Variants in KSR2 observed in about 807,000 individuals in gnomAD.
The protein encoded by KSR2 is kinase suppressor of ras 2.
In KSR2, 25 loss-of-function variants were observed where a neutral mutation model predicts 107.8. The observed-to-expected ratio is 0.23, with a 90% CI of 0.17 to 0.32. The LOEUF (loss-of-function observed/expected upper bound fraction) is 0.32, where lower values mean the gene tolerates loss of function less well. KSR2 is among the 10% of genes least tolerant of loss of function. KSR2 has a pLI of 1.00. For synonymous variants in KSR2, 480 were observed against 507.0 expected, an observed-to-expected ratio of 0.95 and a Z score of 0.71; for missense variants, 887 against 1,268.9, an observed-to-expected ratio of 0.70 and a Z score of 4.57.
chr12:117,645,850 A>C lies in KSR2; in HGVS notation c.1171+21624T>G, dbSNP rs538087977. Among the ~76,000 whole-genome samples, 3 of 145,516 alleles carry C rather than the reference A, an allele frequency of 2.1e-5. No homozygotes were observed. The East Asian group carries it at 6.2e-4, about 30-fold the overall frequency. On this transcript the variant is annotated intron_variant, in intron 5 of 19. Coordinates refer to ENST00000339824, the MANE Select transcript of KSR2 (RefSeq NM_173598.6). ...ACTGAAAAACAATTATGTCTTCTGGAATGTGCATGTGTATGTGCGTGTGTG... is the reference window on the plus strand; with the variant it reads ...ACTGAAAAACAATTATGTCTTCTGGCATGTGCATGTGTATGTGCGTGTGTG...
At position 117,538,962 on chromosome 12, in the gene KSR2, G is replaced by T. The variant is rs548130363; in HGVS notation, c.1687+757C>A. ...CTGGAAGAGATGGGGAGATTCTTAG[G>T]TCTCGTCTACCTGAAGGAAAAAAAA... On this transcript the variant is annotated intron_variant, in intron 10 of 19. Transcript: ENST00000339824. Among the ~76,000 whole-genome samples the T allele has an allele frequency of 8.0e-4, 122 of 152,142 alleles. 1 individual carries two copies. Among genetic ancestry groups the T allele is most frequent in the Admixed American group, 1.5e-3 (23 of 15,274 alleles).
intron 1 of KSR2, among the ~76,000 whole-genome samples, chr12:117,962,419 G>A (rs1038848769): frequency 8.7e-5 from 13 of 149,472 alleles, no homozygotes; most frequent in African/African-American, 2.4e-4. Flanking sequence ...ATGACCCATC[G>A]CCTGGGTTTT....
At chr12:117,494,504 T>C (rs1315320569) in intron 14 of KSR2, among the ~76,000 whole-genome samples, 1 of 152,170 alleles carries the variant, frequency 6.6e-6, no homozygotes, top group Non-Finnish European at 1.5e-5. Context: ...AACCCCACTT[T>C]GAGAACCACC....
At chr12:117,750,267 AAAG>A (rs1389009584) in intron 4 of KSR2, among the ~76,000 whole-genome samples, 3 of 150,442 alleles carry the variant, frequency 2.0e-5, no homozygotes, top group African/African-American at 4.9e-5. Context: ...AAAAAAAAAA[AAAG>A]AAGAACTTTC....
At position 117,596,650 on chromosome 12, in the gene KSR2, G is replaced by A. The variant is rs139907576; in HGVS notation, c.1172-14291C>T. Among the ~76,000 whole-genome samples the A allele has an allele frequency of 1.9e-4, 29 of 152,138 alleles. No homozygotes were observed. The East Asian group carries it at 1.9e-3, about 10-fold the overall frequency. ...TTTACATTAATTAATTAACATCAGC[G>A]CAACAGAACCCAAAACATTGCTAGA... On this transcript the variant is annotated intron_variant, in intron 5 of 19. Coordinates refer to ENST00000339824, the MANE Select transcript of KSR2 (RefSeq NM_173598.6).
intron 7 of KSR2, among the ~76,000 whole-genome samples, chr12:117,577,282 T>C (rs1279186553): frequency 5.3e-5 from 8 of 152,208 alleles, no homozygotes; most frequent in Non-Finnish European, 8.8e-5. Context: ...CATTTGTAAC[T>C]ATTACATAAA....
chr12:117,504,247 T>C (rs1390282030), intron 14 of KSR2, among the ~76,000 whole-genome samples: 2 of 152,218 alleles, frequency 1.3e-5, no homozygotes, highest in Non-Finnish European at 2.9e-5. Flanking sequence ...ATGGGAAAGA[T>C]GAAAACTCCA....
At position 117,462,025 on chromosome 12, in the gene KSR2, G is replaced by GC. The variant is rs1228085863; in HGVS notation, c.*5173dup. The GC allele has an allele frequency of 6.6e-6, 1 of 152,100 alleles. No homozygotes were observed. Among genetic ancestry groups the GC allele is most frequent in the Admixed American group, 6.6e-5 (1 of 15,266 alleles). 9.4% of individuals were successfully genotyped at this position (152,100 alleles called of 1,614,324 possible). On this transcript the variant is annotated 3_prime_UTR_variant, in exon 20 of 20. Coordinates refer to ENST00000339824, the MANE Select transcript of KSR2 (RefSeq NM_173598.6). Reference sequence around the variant, plus strand: ...CTTACACACAGGCTGTTCCCATACAGCCACAGAACTGAGATCCAGAGCTGT... The same window carrying GC: ...CTTACACACAGGCTGTTCCCATACAGCCCACAGAACTGAGATCCAGAGCTGT...
At chr12:117,558,119 A>G (rs900350812) in intron 8 of KSR2, among the ~76,000 whole-genome samples, 1 of 152,158 alleles carries the variant, frequency 6.6e-6, no homozygotes, top group Non-Finnish European at 1.5e-5. Flanking sequence ...TGCAAGGCCA[A>G]TTGATTAAAT....
At chr12:117,632,101 T>C (rs535856918) in intron 5 of KSR2, among the ~76,000 whole-genome samples, 10 of 152,186 alleles carry the variant, frequency 6.6e-5, no homozygotes, top group South Asian at 2.1e-4. Flanking sequence ...TAGTTGTCTA[T>C]TAAGACCATT....
intron 4 of KSR2, among the ~76,000 whole-genome samples, chr12:117,734,543 T>C (rs1418389589): frequency 1.3e-5 from 2 of 152,142 alleles, no homozygotes; most frequent in Non-Finnish European, 2.9e-5. Flanking sequence ...AATTCTCTGG[T>C]TGCTTCCAAG....
intron 1 of KSR2, among the ~76,000 whole-genome samples, chr12:117,888,533 G>C (rs1894244952): frequency 6.6e-6 from 1 of 152,156 alleles, no homozygotes; most frequent in East Asian, 1.9e-4. Flanking sequence ...ATTAGCTTTA[G>C]ATGAAGACCT....
At chr12:117,794,142 ACCC>A (rs1198961222) in intron 3 of KSR2, among the ~76,000 whole-genome samples, 1 of 120,870 alleles carries the variant, frequency 8.3e-6, no homozygotes, top group African/African-American at 3.1e-5. Flanking sequence ...ACATGCACAC[ACCC>A]CAACATGCAC....
chr12:117,758,876 C>A (rs995750066), intron 4 of KSR2, among the ~76,000 whole-genome samples: 1 of 152,062 alleles, frequency 6.6e-6, no homozygotes, highest in African/African-American at 2.4e-5. Context: ...AAGTGTGGGG[C>A]CACCGTAGCA....
chr12:117,819,712 C>T (rs1166120695), intron 3 of KSR2, among the ~76,000 whole-genome samples: 2 of 151,994 alleles, frequency 1.3e-5, no homozygotes, highest in African/African-American at 4.8e-5. Context: ...GTTCAAAAAA[C>T]AATAGCAAAA....
At chr12:117,903,083 G>A (rs994639290) in intron 1 of KSR2, among the ~76,000 whole-genome samples, 3 of 152,256 alleles carry the variant, frequency 2.0e-5, no homozygotes, top group African/African-American at 7.2e-5. Flanking sequence ...TAATGTAGGC[G>A]AGAGTTTGAT....
At chr12:117,805,070 C>G (rs948159354) in intron 3 of KSR2, among the ~76,000 whole-genome samples, 3 of 152,164 alleles carry the variant, frequency 2.0e-5, no homozygotes, top group African/African-American at 7.2e-5. Context: ...ACTTTCAGTA[C>G]TAAGACCAGG....
intron 16 of KSR2, among the ~76,000 whole-genome samples, chr12:117,478,099 C>T (rs1165883643): frequency 2.6e-5 from 4 of 152,032 alleles, no homozygotes; most frequent in Admixed American, 2.0e-4. Flanking sequence ...GTGCATATCT[C>T]GAATCATCCT....
At chr12:117,892,067 G>A (rs1252972160) in intron 1 of KSR2, among the ~76,000 whole-genome samples, 4 of 151,944 alleles carry the variant, frequency 2.6e-5, no homozygotes, top group Non-Finnish European at 5.9e-5. Flanking sequence ...GGGAGGCCAA[G>A]GTAAGTGGGT....
Sources: gnomAD v4.1 joint callset for allele counts (sites outside exome capture counted in the v4.1 genomes callset) on GRCh38, gnomAD v4.1.1 for gene constraint, MANE v1.5 for transcripts, NCBI Gene and HGNC (gene_info 2026-07-23, HGNC 2026-07-21) for gene names.